HACE1: variants seen among roughly 807,000 people sequenced by gnomAD.
HACE1 encodes HECT domain and ankyrin repeat containing E3 ubiquitin protein ligase 1.
HACE1 carries 73 observed loss-of-function variants against 118.4 expected under a neutral mutation model. The ratio of observed to expected loss-of-function variants is 0.62; its 90% confidence interval spans 0.51 to 0.75. HACE1 has a LOEUF of 0.75. Ranked by LOEUF, HACE1 falls within the 30% of genes least tolerant of loss-of-function variation. The pLI is 0.00. For missense variants in HACE1, 749 were observed against 1,102.2 expected (o/e 0.68, Z 4.54); for synonymous variants, 368 against 374.8 (o/e 0.98, Z 0.21).
At chr6:104,826,052 C>T (rs1057054663) in intron 6 of HACE1, among the ~76,000 whole-genome samples, 1 of 152,180 alleles carries the variant, frequency 6.6e-6, no homozygotes, top group Non-Finnish European at 1.5e-5. Context: ...ACATTTGATT[C>T]TCATAGGAGC....
At chr6:104,811,242 TTATACATATATATATA>T (rs1224843382) in intron 7 of HACE1, 53 bp downstream of exon 7, 23 of 192,786 alleles carry the variant, frequency 1.2e-4, no homozygotes, top group South Asian at 2.9e-4. Context: ...ATTTCTTTAT[TTATACATATATATATA>T]TATATATATA....
Position 104,839,690 on chromosome 6 carries a change from A to T in HACE1, c.402+3533T>A. Among the ~76,000 whole-genome samples the T allele has an allele frequency of 1.3e-5, 2 of 152,164 alleles. 1 individual carries two copies. Among genetic ancestry groups the T allele is most frequent in the East Asian group, 3.8e-4 (2 of 5,196 alleles). On this transcript the variant is annotated intron_variant, in intron 5 of 23. Coordinates refer to ENST00000262903, the MANE Select transcript of HACE1 (RefSeq NM_020771.4). ...AATGAATAGAACTTAAAATACATAA[A>T]CATACACACACACATACAATTAAAA...
rs372042076 is a variant in HACE1, at chr6:104,820,187, T to C, written c.535-8794A>G. 1.7e-3 allele frequency among the ~76,000 whole-genome samples: 190 copies of C among 115,096 alleles called. 8 individuals carry two copies. In the East Asian group the frequency reaches 0.035, roughly 21 times the overall value. 75.5% of individuals were successfully genotyped at this position (115,096 alleles called of 152,430 possible). The stretch of plus-strand genomic sequence containing the variant: ...TCCAGCCTGGGCAACAGAGTGAGAC[T>C]CCGTCTCAAAAAAAAAAAAAAAAAA... On this transcript the variant is annotated intron_variant, in intron 6 of 23. Transcript: ENST00000262903.
At chr6:104,822,844 CA>C (rs1211505515) in intron 6 of HACE1, among the ~76,000 whole-genome samples, 7 of 145,032 alleles carry the variant, frequency 4.8e-5, no homozygotes, top group African/African-American at 5.1e-5. Flanking sequence ...ACCGTGTCTC[CA>C]AAAAAAAAAG....
At chr6:104,834,415 T>C (rs573532441) in intron 5 of HACE1, among the ~76,000 whole-genome samples, 40 of 152,174 alleles carry the variant, frequency 2.6e-4, no homozygotes, top group Non-Finnish European at 4.9e-4. Context: ...AAAAAATATA[T>C]AAAACACCTA....
chr6:104,819,992 C>T (rs1274089051), intron 6 of HACE1, among the ~76,000 whole-genome samples: 1 of 151,986 alleles, frequency 6.6e-6, no homozygotes, highest in African/African-American at 2.4e-5. Context: ...GTCAAGAGTT[C>T]GAGACCACCC....
chr6:104,750,555 G>C (rs934745128), intron 19 of HACE1, 83 bp from the exon 20 acceptor site: 1 of 1,272,956 alleles, frequency 7.9e-7, no homozygotes, highest in African/African-American at 1.5e-5. Context: ...TTATTTAAGA[G>C]GTAAAGGTTT....
chr6:104,848,531 T>G (rs750464348), intron 4 of HACE1, among the ~76,000 whole-genome samples: 38 of 152,232 alleles, frequency 2.5e-4, no homozygotes, highest in Admixed American at 7.2e-4. Flanking sequence ...ATTTTCATTT[T>G]AAACATAATT....
At chr6:104,857,831 C>A (rs1776885886) in intron 1 of HACE1, among the ~76,000 whole-genome samples, 1 of 151,890 alleles carries the variant, frequency 6.6e-6, no homozygotes, top group African/African-American at 2.4e-5. Context: ...GTGGCAGGGG[C>A]CTGTAGTCCC....
Position 104,852,207 on chromosome 6 carries a change from G to GTGTT in HACE1, c.131+109_131+110insAACA, listed in dbSNP as rs1393449030. On this transcript the variant is annotated intron_variant, in intron 2 of 23. Transcript: ENST00000262903. ...ATCTATGTCCAAACTGTCTGTGTGT[G>GTGTT]TGTGTGTGTGTGTGTGTGTGTGCGC... The GTGTT allele has an allele frequency of 5.2e-4, 355 of 678,066 alleles. 4 individuals carry two copies. The highest frequency in any genetic ancestry group is 1.6e-3 in the Admixed American group (75 of 47,696). The allele number at this position is 678,066 out of a possible 1,614,324, so 42.0% of individuals were successfully genotyped here.
At chr6:104,795,835 A>G (rs2114867947) in intron 9 of HACE1, 150 bp from the exon 10 acceptor site, 1 of 616,696 alleles carries the variant, frequency 1.6e-6, no homozygotes, top group Non-Finnish European at 2.9e-6. Context: ...AAGCTAATAT[A>G]GAGATATGAT....
At chr6:104,794,466 C>T (rs1358725898) in intron 10 of HACE1, among the ~76,000 whole-genome samples, 1 of 152,194 alleles carries the variant, frequency 6.6e-6, no homozygotes, top group Non-Finnish European at 1.5e-5. Context: ...TTCACTCTCA[C>T]AACTCATAAA....
At position 104,800,981 on chromosome 6, in the gene HACE1, C is replaced by A. The variant is rs9499975; in HGVS notation, c.618-3956G>T. On this transcript the variant is annotated intron_variant, in intron 7 of 23. Transcript: ENST00000262903. ...CTAAAAACCTTGAAAAAAGGTTAGA[C>A]GAATGGCTAACTGGAATAAATAGTG... Among the ~76,000 whole-genome samples the A allele has an allele frequency of 3.2e-3, 481 of 152,132 alleles. 4 individuals are homozygous for A. Among genetic ancestry groups the A allele is most frequent in the African/African-American group, 0.011 (467 of 41,500 alleles).
chr6:104,849,841 G>A (rs1169235825), intron 3 of HACE1, among the ~76,000 whole-genome samples: 4 of 151,326 alleles, frequency 2.6e-5, no homozygotes, highest in South Asian at 2.1e-4. Flanking sequence ...TAGCAGAGAC[G>A]GGGTTTCACC....
intron 19 of HACE1, among the ~76,000 whole-genome samples, chr6:104,767,478 G>T (rs147326105): frequency 6.6e-6 from 1 of 151,904 alleles, no homozygotes; most frequent in Non-Finnish European, 1.5e-5. Context: ...CTCTAGTACC[G>T]CCCCATTTCA....
At chr6:104,802,777 G>A (rs561194552) in intron 7 of HACE1, among the ~76,000 whole-genome samples, 3 of 152,166 alleles carry the variant, frequency 2.0e-5, no homozygotes, top group South Asian at 2.1e-4. Flanking sequence ...ATCTAAAATC[G>A]ACACCCTAAC....
intron 19 of HACE1, among the ~76,000 whole-genome samples, chr6:104,754,774 C>A (rs1263693043): frequency 6.6e-6 from 1 of 152,148 alleles, no homozygotes; most frequent in African/African-American, 2.4e-5. Context: ...CTTACCAGAG[C>A]TCCTGAAGAA....
chr6:104,805,026 C>G (rs767657784), intron 7 of HACE1, among the ~76,000 whole-genome samples: 6 of 152,182 alleles, frequency 3.9e-5, no homozygotes, highest in Non-Finnish European at 7.3e-5. Flanking sequence ...AAACAAACAA[C>G]CCCATCAAAA....
At chr6:104,807,312 G>C (rs1771117996) in intron 7 of HACE1, among the ~76,000 whole-genome samples, 1 of 152,142 alleles carries the variant, frequency 6.6e-6, no homozygotes, top group Non-Finnish European at 1.5e-5. Flanking sequence ...GTGAGCCACT[G>C]TGCCTGGCCA....
Sources: allele counts gnomAD v4.1 joint callset (sites outside exome capture counted in the v4.1 genomes callset), GRCh38; gene constraint gnomAD v4.1.1; transcripts MANE v1.5; gene names NCBI Gene and HGNC (gene_info 2026-07-23, HGNC 2026-07-21).